The following KCNQ3 variants were observed in gnomAD, a reference collection of about 807,000 sequenced individuals.
KCNQ3 encodes potassium voltage-gated channel subfamily Q member 3.
A neutral mutation model predicts 92.5 loss-of-function variants in KCNQ3; 30 were observed. That is an observed-to-expected ratio of 0.32 (90% CI 0.24 to 0.44). The LOEUF (loss-of-function observed/expected upper bound fraction) is 0.44. Ranked by LOEUF, KCNQ3 falls within the 20% of genes least tolerant of loss-of-function variation. KCNQ3 has a pLI of 1.00. For missense variants in KCNQ3, 913 were observed against 1,140.3 expected (o/e 0.80, Z 2.87); for synonymous variants, 450 against 468.8 (o/e 0.96, Z 0.52).
chr8:132,363,745 A>G (rs1819236781), intron 1 of KCNQ3, among the ~76,000 whole-genome samples: 1 of 151,544 alleles, frequency 6.6e-6, no homozygotes. Flanking sequence ...TCTTGTTTTT[A>G]TGAACCAAGT....
chr8:132,473,300 G>T (rs1228664050), intron 1 of KCNQ3, among the ~76,000 whole-genome samples: 1 of 152,116 alleles, frequency 6.6e-6, no homozygotes, highest in Non-Finnish European at 1.5e-5. Context: ...GTTGAAATCA[G>T]CATTGTCTAG....
intron 8 of KCNQ3, among the ~76,000 whole-genome samples, chr8:132,169,045 A>G (rs1383319635): frequency 1.3e-5 from 2 of 152,162 alleles, no homozygotes; most frequent in Non-Finnish European, 2.9e-5. Context: ...TAGAAGCTCA[A>G]GTAGTGAAAA....
rs371627588 is a variant in KCNQ3, at chr8:132,212,507, G to A, written c.387-26326C>T. Among the ~76,000 whole-genome samples, 6 of 152,052 alleles carry A rather than the reference G, an allele frequency of 3.9e-5. No individual in the cohort carries two copies. In the East Asian group the frequency reaches 7.7e-4, roughly 20 times the overall value. ...CTGGTCTTCTAGGACTGACTTTCAA[G>A]CATCTTTACCATCCCGATCATTCTC... On this transcript the variant is annotated intron_variant, in intron 1 of 14. Coordinates refer to ENST00000388996, the MANE Select transcript of KCNQ3 (RefSeq NM_004519.4).
intron 1 of KCNQ3, among the ~76,000 whole-genome samples, chr8:132,214,604 C>T (rs1316941128): frequency 6.6e-6 from 1 of 152,218 alleles, no homozygotes; most frequent in Non-Finnish European, 1.5e-5. Flanking sequence ...GTAGCACTTG[C>T]AAAGCACAGA....
Position 132,175,543 on chromosome 8 carries a change from C to G in KCNQ3, c.843G>C (p.Leu281=). The G allele has an allele frequency of 6.2e-7, 1 of 1,614,104 alleles. No homozygotes were observed. Among genetic ancestry groups the G allele is most frequent in the Non-Finnish European group, 8.5e-7 (1 of 1,179,996 alleles). ...CCACCTCTGGGACGTCTTTCTCAAC[C>G]AGGTAGACAAGAAATGAAGAAAGGA... ...TLILSSFLVY[L]VEKDVPEVDA... The change falls in exon 5 of 15, where the codon CTG becomes CTC. Residue 281 remains leucine, a synonymous_variant. Transcript: ENST00000388996.
chr8:132,172,133 G>T (rs1012310843), intron 7 of KCNQ3, among the ~76,000 whole-genome samples: 1 of 152,002 alleles, frequency 6.6e-6, no homozygotes, highest in Non-Finnish European at 1.5e-5. Context: ...GCTGCAGTGA[G>T]CTATGATCGC....
intron 1 of KCNQ3, among the ~76,000 whole-genome samples, chr8:132,311,292 A>G (rs187893300): frequency 2.0e-5 from 3 of 152,354 alleles, no homozygotes; most frequent in African/African-American, 7.2e-5. Flanking sequence ...GGTGCTCCAC[A>G]TAAGCCATTT....
chr8:132,398,791 C>A (rs1345887081), intron 1 of KCNQ3, among the ~76,000 whole-genome samples: 1 of 152,158 alleles, frequency 6.6e-6, no homozygotes, highest in African/African-American at 2.4e-5. Context: ...AGGAAGCCAG[C>A]AAATAAATTA....
At chr8:132,134,902 G>A (rs115154084) in intron 12 of KCNQ3, among the ~76,000 whole-genome samples, 1,837 of 152,120 alleles carry the variant, frequency 0.012, 43 homozygotes, top group African/African-American at 0.042. Context: ...CTGCTCTGTG[G>A]GCATCTCTGG....
intron 1 of KCNQ3, among the ~76,000 whole-genome samples, chr8:132,209,458 T>G (rs1813779809): frequency 6.6e-6 from 1 of 152,088 alleles, no homozygotes; most frequent in African/African-American, 2.4e-5. Flanking sequence ...TTGTGCCTGC[T>G]CTGGGTTATC....
chr8:132,139,576 T>G (rs554429878), intron 11 of KCNQ3, among the ~76,000 whole-genome samples: 13 of 152,344 alleles, frequency 8.5e-5, no homozygotes, highest in Non-Finnish European at 1.6e-4. Context: ...TCTTGCAGAA[T>G]TCTAAAGCAA....
At chr8:132,331,781 G>C (rs1269117435) in intron 1 of KCNQ3, among the ~76,000 whole-genome samples, 1 of 152,252 alleles carries the variant, frequency 6.6e-6, no homozygotes, top group Non-Finnish European at 1.5e-5. Flanking sequence ...AGGAGAGGAA[G>C]AGATTTCCTT....
intron 4 of KCNQ3, among the ~76,000 whole-genome samples, chr8:132,176,098 A>T (rs949836118): frequency 6.6e-6 from 1 of 152,160 alleles, no homozygotes; most frequent in African/African-American, 2.4e-5. Flanking sequence ...CAGTATCTTC[A>T]TTTGTTAAAT....
At chr8:132,396,007 T>C (rs1820182345) in intron 1 of KCNQ3, among the ~76,000 whole-genome samples, 2 of 152,334 alleles carry the variant, frequency 1.3e-5, no homozygotes, top group South Asian at 4.1e-4. Flanking sequence ...GGGTTACTAT[T>C]ACCTAGTACT....
chr8:132,261,003 GC>G (rs1396556911), intron 1 of KCNQ3, among the ~76,000 whole-genome samples: 1 of 152,094 alleles, frequency 6.6e-6, no homozygotes, highest in Non-Finnish European at 1.5e-5. Flanking sequence ...ACAAAGTTGA[GC>G]AACCATTACC....
chr8:132,318,747 T>G (rs1370729609), intron 1 of KCNQ3, among the ~76,000 whole-genome samples: 1 of 152,252 alleles, frequency 6.6e-6, no homozygotes, highest in African/African-American at 2.4e-5. Flanking sequence ...ATGTGATGTG[T>G]TCACTCACTG....
chr8:132,348,187 AT>A (rs899317983), intron 1 of KCNQ3, among the ~76,000 whole-genome samples: 5 of 151,932 alleles, frequency 3.3e-5, no homozygotes, highest in African/African-American at 7.3e-5. Context: ...GGAGAAGTGA[AT>A]TACTATTTGC....
At chr8:132,362,013 T>C (rs938706409) in intron 1 of KCNQ3, among the ~76,000 whole-genome samples, 2 of 152,154 alleles carry the variant, frequency 1.3e-5, no homozygotes, top group Non-Finnish European at 1.5e-5. Flanking sequence ...AACGCTTATG[T>C]TTTGTGTAAT....
intron 1 of KCNQ3, among the ~76,000 whole-genome samples, chr8:132,415,615 T>C (rs1820776079): frequency 6.6e-6 from 1 of 152,218 alleles, no homozygotes; most frequent in South Asian, 2.1e-4. Context: ...CTGTCTGTTC[T>C]CTGACTACGA....
Sources: gnomAD v4.1 joint callset for allele counts (sites outside exome capture counted in the v4.1 genomes callset) on GRCh38, gnomAD v4.1.1 for gene constraint, MANE v1.5 for transcripts, NCBI Gene and HGNC (gene_info 2026-07-23, HGNC 2026-07-21) for gene names.